The following SPATA17 variants were observed in gnomAD, a reference collection of about 807,000 sequenced individuals.
SPATA17 encodes the protein spermatogenesis associated 17.
Under a neutral mutation model 62.2 loss-of-function variants are expected in SPATA17, and 53 were observed. The observed-to-expected ratio is 0.85, with a 90% CI of 0.68 to 1.07. SPATA17 has a LOEUF of 1.07. Ranked by LOEUF, SPATA17 falls within the 50% of genes least tolerant of loss-of-function variation. SPATA17 has a pLI of 0.00. For synonymous variants in SPATA17, 146 were observed against 146.8 expected, an observed-to-expected ratio of 0.99 and a Z score of 0.04; for missense variants, 466 against 425.5, an observed-to-expected ratio of 1.10 and a Z score of -0.84.
chr1:217,804,511 A>G (rs1571816448), intron 9 of SPATA17, among the ~76,000 whole-genome samples: 1 of 152,228 alleles, frequency 6.6e-6, no homozygotes, highest in Non-Finnish European at 1.5e-5. Context: ...CCCCAAAAGT[A>G]TAGGCAACAA....
chr1:217,689,646 A>G (rs1019763990), intron 5 of SPATA17, among the ~76,000 whole-genome samples: 3 of 152,196 alleles, frequency 2.0e-5, no homozygotes, highest in Non-Finnish European at 4.4e-5. Flanking sequence ...CAAAATAAAT[A>G]TAGTTTAATC....
At chr1:217,683,500 G>A (rs527712204) in intron 5 of SPATA17, 139 bp downstream of exon 5, 39 of 562,244 alleles carry the variant, frequency 6.9e-5, no homozygotes, top group East Asian at 3.2e-4. Context: ...GTGCAGTGGC[G>A]CAATCTCGGC....
At chr1:217,702,061 G>T (rs1020797092) in intron 5 of SPATA17, among the ~76,000 whole-genome samples, 8 of 150,684 alleles carry the variant, frequency 5.3e-5, no homozygotes, top group African/African-American at 2.0e-4. Context: ...TGCAGATAAT[G>T]TTTTCTATTT....
intron 5 of SPATA17, among the ~76,000 whole-genome samples, chr1:217,696,923 G>A (rs535128981): frequency 2.0e-5 from 3 of 152,252 alleles, no homozygotes; most frequent in Non-Finnish European, 4.4e-5. Flanking sequence ...CAAATCTTCC[G>A]AACTCATCAT....
At chr1:217,669,348 AT>A (rs1200253167) in intron 4 of SPATA17, among the ~76,000 whole-genome samples, 1 of 152,216 alleles carries the variant, frequency 6.6e-6, no homozygotes, top group Non-Finnish European at 1.5e-5. Context: ...AGACTTAAAT[AT>A]TAATGAAGCA....
At chr1:217,800,806 T>C (rs1414358188) in intron 8 of SPATA17, among the ~76,000 whole-genome samples, 1 of 152,204 alleles carries the variant, frequency 6.6e-6, no homozygotes, top group East Asian at 1.9e-4. Flanking sequence ...TTGCTCTTTC[T>C]TATTTTCTGT....
chr1:217,764,050 G>C (rs1571789891), intron 6 of SPATA17, among the ~76,000 whole-genome samples: 1 of 152,034 alleles, frequency 6.6e-6, no homozygotes, highest in Admixed American at 6.6e-5. Context: ...CCAATAAATG[G>C]TGCATTTATT....
At chr1:217,791,224 G>T (rs1020931967) in intron 8 of SPATA17, among the ~76,000 whole-genome samples, 1 of 152,130 alleles carries the variant, frequency 6.6e-6, no homozygotes, top group Non-Finnish European at 1.5e-5. Context: ...TGTGCAAATC[G>T]TATTATACAT....
intron 7 of SPATA17, among the ~76,000 whole-genome samples, chr1:217,776,254 C>A (rs1026084587): frequency 1.3e-5 from 2 of 152,034 alleles, no homozygotes; most frequent in Non-Finnish European, 2.9e-5. Context: ...CTAAAAGTCC[C>A]GGAGAGCCAC....
At chr1:217,766,206 C>T (rs1158143148) in intron 6 of SPATA17, among the ~76,000 whole-genome samples, 1 of 151,824 alleles carries the variant, frequency 6.6e-6, no homozygotes. Flanking sequence ...TAATATCTAC[C>T]ATATTTGATA....
intron 6 of SPATA17, among the ~76,000 whole-genome samples, chr1:217,758,125 A>G (rs1558038338): frequency 6.6e-6 from 1 of 152,208 alleles, no homozygotes; most frequent in Non-Finnish European, 1.5e-5. Flanking sequence ...GCTAATATTT[A>G]TTGAATGCTT....
chr1:217,770,612 G>A (rs1011915072), intron 6 of SPATA17, among the ~76,000 whole-genome samples: 3 of 152,090 alleles, frequency 2.0e-5, no homozygotes, highest in Non-Finnish European at 4.4e-5. Flanking sequence ...ACAAAGTAAA[G>A]GTCAGTGTAT....
rs577274913 is a variant in SPATA17 at position 217,632,871 on chromosome 1, C to T, written c.68+1425C>T. Among the ~76,000 whole-genome samples the T allele has an allele frequency of 4.2e-4, 64 of 152,318 alleles. No homozygotes were observed. In the South Asian group the frequency reaches 0.013, roughly 32 times the overall value. On this transcript the variant is annotated intron_variant, in intron 1 of 10. Transcript: ENST00000366933. Reference sequence around the variant, plus strand: ...TAAGCCCCATCCATCATGATGTTCACATCCTTGTATGGAATATAGGCTTTT... The same window carrying T: ...TAAGCCCCATCCATCATGATGTTCATATCCTTGTATGGAATATAGGCTTTT...
At chr1:217,674,341 G>T (rs1364830176) in intron 4 of SPATA17, among the ~76,000 whole-genome samples, 1 of 152,140 alleles carries the variant, frequency 6.6e-6, no homozygotes, top group Non-Finnish European at 1.5e-5. Context: ...CCCTCTTCTA[G>T]ATCAATGCTC....
intron 6 of SPATA17, among the ~76,000 whole-genome samples, chr1:217,751,775 C>A (rs907328512): frequency 6.6e-6 from 1 of 152,122 alleles, no homozygotes; most frequent in Admixed American, 6.5e-5. Flanking sequence ...GCAACAATTT[C>A]CGAAAGAGGC....
chr1:217,828,854 A>G (rs1675064620), intron 9 of SPATA17, among the ~76,000 whole-genome samples: 1 of 152,344 alleles, frequency 6.6e-6, no homozygotes, highest in Admixed American at 6.5e-5. Context: ...GCTCAGTATT[A>G]CTAATCATCA....
At chr1:217,672,527 T>C (rs2102899005) in intron 4 of SPATA17, among the ~76,000 whole-genome samples, 2 of 152,310 alleles carry the variant, frequency 1.3e-5, no homozygotes, top group Middle Eastern at 6.8e-3. Flanking sequence ...ACAACTAAAA[T>C]GTATTCAATT....
chr1:217,728,939 T>G (rs1202658003), intron 5 of SPATA17, among the ~76,000 whole-genome samples: 1 of 152,194 alleles, frequency 6.6e-6, no homozygotes, highest in Non-Finnish European at 1.5e-5. Context: ...CCACAAGATC[T>G]CTTAATGAAG....
At chr1:217,841,804 T>C (rs1264621964) in intron 9 of SPATA17, among the ~76,000 whole-genome samples, 1 of 149,528 alleles carries the variant, frequency 6.7e-6, no homozygotes, top group Non-Finnish European at 1.5e-5. Flanking sequence ...TTCCTACATA[T>C]TAAATTAAAT....
Sources: gnomAD v4.1 joint callset for allele counts (sites outside exome capture counted in the v4.1 genomes callset) on GRCh38, gnomAD v4.1.1 for gene constraint, MANE v1.5 for transcripts, NCBI Gene and HGNC (gene_info 2026-07-23, HGNC 2026-07-21) for gene names.